The following LRFN1 variants were observed in gnomAD, a reference collection of about 807,000 sequenced individuals.
LRFN1 encodes leucine-rich repeat and fibronectin type III domain-containing protein 1.
LRFN1 carries 20 observed loss-of-function variants against 31.8 expected under a neutral mutation model. The ratio of observed to expected loss-of-function variants is 0.63; its 90% CI spans 0.44 to 0.91. The LOEUF is 0.91. Among genes scored for constraint, LRFN1 ranks in the 40% least tolerant of loss-of-function variants. LRFN1 has a pLI of 0.00. For missense variants in LRFN1, 912 were observed against 1,129.8 expected (o/e 0.81, Z 2.76); for synonymous variants, 514 against 541.3 (o/e 0.95, Z 0.70).
rs538502218 is a variant in LRFN1, at chr19:39,311,245, C to G, written c.1406+2686G>C. The stretch of plus-strand genomic sequence containing the variant: ...GACAGCGTGAGGAAGTTAACCCCTG[C>G]GGCACCATAGCATAGGAATCTGCAA... On this transcript the variant is annotated intron_variant, in intron 4 of 4. Transcript: ENST00000248668. 7.2e-5 allele frequency among the ~76,000 whole-genome samples: 11 copies of G among 152,326 alleles called. No homozygotes were observed. In the South Asian group the frequency reaches 2.1e-3, roughly 29 times the overall value.
Position 39,307,651 on chromosome 19 carries a change from C to A in LRFN1, c.2298G>T (p.Met766Ile). The A allele has an allele frequency of 6.8e-7, 1 of 1,471,976 alleles. No individual in the cohort carries two copies. Among genetic ancestry groups the A allele is most frequent in the Non-Finnish European group, 8.9e-7 (1 of 1,120,706 alleles). The allele number at this position is 1,471,976 out of a possible 1,614,324, so 91.2% of individuals were successfully genotyped here. A position where few individuals can be genotyped will look rare whatever the true frequency, so the allele number is the denominator to read the frequency against. The change falls in exon 5 of 5, where the codon ATG becomes ATT. Residue 766 changes from methionine (M) to isoleucine (I), a missense_variant. Physicochemically the swap from Met to Ile is conservative, Grantham distance 10. Coordinates refer to ENST00000248668, the MANE Select transcript of LRFN1 (RefSeq NM_020862.2). The surrounding 1 kb of genome is among the most constrained non-coding windows in gnomAD (Gnocchi z 6.7). ...CCGCCGCTCACACGGTACTCTCCAGCATCCACTCGGTGCTGGTGAAAGCCA... is the reference window on the plus strand; with the variant it reads ...CCGCCGCTCACACGGTACTCTCCAGAATCCACTCGGTGCTGGTGAAAGCCA... ...ACLAFTSTEW[M>I]LESTV
At chr19:39,309,976 G>C (rs1330774229) in intron 4 of LRFN1, among the ~76,000 whole-genome samples, 1 of 152,114 alleles carries the variant, frequency 6.6e-6, no homozygotes, top group Non-Finnish European at 1.5e-5. Context: ...TGTTTTGTTT[G>C]AGACAGACTC....
At chr19:39,316,573 G>A (rs30480) in intron 2 of LRFN1, among the ~76,000 whole-genome samples, 37,855 of 152,048 alleles carry the variant, frequency 0.25, 8,999 homozygotes, top group African/African-American at 0.63. Flanking sequence ...AGGGACTGAG[G>A]AAAACACATC....
rs769229309 is a variant in LRFN1 at position 39,315,306 on chromosome 19, G to A, written c.31C>T (p.Leu11Phe). 6.7e-7 allele frequency: 1 copy of A among 1,484,796 alleles called. No individual in the cohort carries two copies. 92.0% of individuals were successfully genotyped at this position (1,484,796 alleles called of 1,614,324 possible). MAPGPFSSAL[L>F]SPPPAALPFL... The stretch of plus-strand genomic sequence containing the variant: ...GGCAGGGCAGCGGGCGGCGGCGAGA[G>A]GAGGGCCGAGGAGAAGGGTCCTGGA... The change falls in exon 4 of 5, where the codon CTC becomes TTC. Residue 11 changes from leucine to phenylalanine, a missense_variant. Physicochemically the swap from Leu to Phe is conservative, Grantham distance 22 (BLOSUM62 0). Around this residue, in one of 2 missense-constraint regions of LRFN1, gnomAD observed 401 missense variants for 572.7 expected, o/e 0.70. Transcript: ENST00000248668. The surrounding 1 kb of genome is among the most constrained non-coding windows in gnomAD (Gnocchi z 4.7).
rs765281328 is a variant in LRFN1 at position 39,314,258 on chromosome 19, G to A, written c.1079C>T (p.Thr360Ile). 6.8e-6 allele frequency: 11 copies of A among 1,613,210 alleles called. No individual in the cohort carries two copies. The highest frequency in any genetic ancestry group is 8.5e-6 in the Non-Finnish European group (10 of 1,179,682). The change falls in exon 4 of 5, where the codon ACC (threonine) becomes ATC (isoleucine). Residue 360 changes from threonine (T) to isoleucine (I), a missense_variant. Around this residue, in one of 2 missense-constraint regions of LRFN1, gnomAD observed 401 missense variants for 572.7 expected, o/e 0.70. Coordinates refer to ENST00000248668, the MANE Select transcript of LRFN1 (RefSeq NM_020862.2). ...RGDGTLDVTI[T>I]TLRDSGTFTC... ...GAAGGTGCCACTGTCCCTCAAGGTGGTGATGGTCACATCCAGCGTCCCGTC... is the reference window on the plus strand; with the variant it reads ...GAAGGTGCCACTGTCCCTCAAGGTGATGATGGTCACATCCAGCGTCCCGTC...
chr19:39,309,506 A>C (rs1373591083), intron 4 of LRFN1, among the ~76,000 whole-genome samples: 2 of 148,580 alleles, frequency 1.3e-5, no homozygotes, highest in Non-Finnish European at 1.5e-5. Flanking sequence ...AAAAAAAAAA[A>C]ACCATCTAGC....
Position 39,308,044 on chromosome 19 carries a change from C to T in LRFN1, c.1905G>A (p.Pro635=). ...CCAGAGAACGTCCAAGGACCACCTC[C>T]GGCTCCGCGGATGCCGTCTCGGCCT... ...AMEAETASAE[P]EVVLGRSLGG... is the part of the protein sequence containing the mutation. Residue 635 remains proline (P), a synonymous_variant, in exon 5 of 5, where the codon CCG becomes CCA. Coordinates refer to ENST00000248668, the MANE Select transcript of LRFN1 (RefSeq NM_020862.2). The surrounding 1 kb of genome is among the most constrained non-coding windows in gnomAD (Gnocchi z 6.2). 2 of 1,528,994 alleles carry T rather than the reference C, an allele frequency of 1.3e-6. No individual in the cohort carries two copies. Among genetic ancestry groups the T allele is most frequent in the Middle Eastern group, 3.5e-4 (2 of 5,774 alleles). 94.7% of individuals were successfully genotyped at this position (1,528,994 alleles called of 1,614,324 possible).
Position 39,319,281 on chromosome 19 carries a change from C to A in LRFN1, c.-125-923G>T, listed in dbSNP as rs558649783. On this transcript the variant is annotated intron_variant, in intron 1 of 4. Coordinates refer to ENST00000248668, the MANE Select transcript of LRFN1 (RefSeq NM_020862.2). ...TTACAACAGATCTACCTTGCACACT[C>A]ACCAGCACACAGGGGCACACACATC... is the stretch of plus-strand genomic sequence containing the variant. Among the ~76,000 whole-genome samples the A allele has an allele frequency of 1.2e-4, 19 of 152,328 alleles. 1 individual carries two copies. The highest frequency in any genetic ancestry group is 3.4e-3 in the Middle Eastern group (1 of 294).
chr19:39,313,888 T>G (rs888926203), intron 4 of LRFN1, 43 bp downstream of exon 4: 1 of 1,537,152 alleles, frequency 6.5e-7, no homozygotes, highest in African/African-American at 1.4e-5. Context: ...AGGGTCCCCC[T>G]GGGCTTGGGA....
chr19:39,307,037 A>C lies in LRFN1; in HGVS notation c.*596T>G. 5.9e-6 allele frequency: 2 copies of C among 340,700 alleles called. No individual in the cohort carries two copies. Among genetic ancestry groups the C allele is most frequent in the Non-Finnish European group, 5.3e-6 (1 of 189,624 alleles). 21.1% of individuals were successfully genotyped at this position (340,700 alleles called of 1,614,324 possible). ...GCCGAGGGACAAGAGACGACAGGACAGAGAGAAAGGAGAGGCAAATAGGGA... is the reference window on the plus strand; with the variant it reads ...GCCGAGGGACAAGAGACGACAGGACCGAGAGAAAGGAGAGGCAAATAGGGA... On this transcript the variant is annotated 3_prime_UTR_variant, in exon 5 of 5. Coordinates refer to ENST00000248668, the MANE Select transcript of LRFN1 (RefSeq NM_020862.2). This position sits in a 1 kb window ranked among gnomAD's most constrained non-coding sequence, Gnocchi z 6.7.
Position 39,309,478 on chromosome 19 carries a change from C to CAAAAAAAAAAAA in LRFN1, c.1407-948_1407-937dup, listed in dbSNP as rs71169583. ...ACTCTGTCTCAAAAAACAAACAAAC[C>CAAAAAAAAAAAA]AAAAAAAAAAAAAAAAAAAAAAAAA... On this transcript the variant is annotated intron_variant, in intron 4 of 4. Transcript: ENST00000248668. 1.2e-3 allele frequency among the ~76,000 whole-genome samples: 37 copies of CAAAAAAAAAAAA among 32,000 alleles called. 6 individuals carry two copies. Among genetic ancestry groups the CAAAAAAAAAAAA allele is most frequent in the African/African-American group, 4.8e-3 (33 of 6,828 alleles). The allele number at this position is 32,000 out of a possible 152,430, so 21.0% of individuals were successfully genotyped here. A position where few individuals can be genotyped will look rare whatever the true frequency, so the allele number is the denominator to read the frequency against.
chr19:39,314,692 C>T lies in LRFN1; in HGVS notation c.645G>A (p.Leu215=). The change falls in exon 4 of 5, where the codon CTG becomes CTA. Residue 215 remains leucine, a synonymous_variant. Transcript: ENST00000248668. ...TATGCAGGCGGTTGGAGGTCATGTC[C>T]AGACGGACCAGCTTGTGAAGCTGCA... ...TFVQLHKLVR[L]DMTSNRLHKL... is the part of the protein sequence containing the mutation. 1 of 1,613,238 alleles carries T rather than the reference C, an allele frequency of 6.2e-7. No individual in the cohort carries two copies. Among genetic ancestry groups the T allele is most frequent in the South Asian group, 1.1e-5 (1 of 91,036 alleles).
chr19:39,308,384 G>A lies in LRFN1; in HGVS notation c.1565C>T (p.Ala522Val). Residue 522 changes from alanine to valine, a missense_variant, in exon 5 of 5, where the codon GCG becomes GTG. This residue lies in a region of LRFN1 where 511 missense variants were observed against 557.0 expected (regional missense o/e 0.92). Transcript: ENST00000248668. The surrounding 1 kb of genome is among the most constrained non-coding windows in gnomAD (Gnocchi z 6.2). ...CVQFTTAGDP[A>V]PCRPLRAHFL... ...ATGGGCCCTCAGCGGGCGGCAGGGC[G>A]CCGGATCCCCAGCGGTGGTGAACTG... 1.9e-6 allele frequency: 3 copies of A among 1,611,678 alleles called. No homozygotes were observed. The highest frequency in any genetic ancestry group is 1.1e-5 in the South Asian group (1 of 90,940).
At chr19:39,313,192 C>T (rs1254420456) in intron 4 of LRFN1, among the ~76,000 whole-genome samples, 3 of 151,958 alleles carry the variant, frequency 2.0e-5, no homozygotes, top group African/African-American at 4.8e-5. Context: ...TGTAATGTAC[C>T]CAATGTGTTG....
intron 4 of LRFN1, among the ~76,000 whole-genome samples, chr19:39,309,503 A>C (rs949564176): frequency 2.7e-5 from 4 of 150,316 alleles, no homozygotes; most frequent in African/African-American, 7.4e-5. Flanking sequence ...AAAAAAAAAA[A>C]AAAACCATCT....
intron 1 of LRFN1, among the ~76,000 whole-genome samples, chr19:39,319,701 C>T (rs1201861242): frequency 6.6e-6 from 1 of 152,010 alleles, no homozygotes; most frequent in African/African-American, 2.4e-5. Flanking sequence ...CCTGAGGCAC[C>T]CCCCCACCAC....
chr19:39,308,597 C>A lies in LRFN1; in HGVS notation c.1407-55G>T. 2 of 1,451,610 alleles carry A rather than the reference C, an allele frequency of 1.4e-6. No homozygotes were observed. Among genetic ancestry groups the A allele is most frequent in the Non-Finnish European group, 1.8e-6 (2 of 1,090,324 alleles). 89.9% of individuals were successfully genotyped at this position (1,451,610 alleles called of 1,614,324 possible). A position where few individuals can be genotyped will look rare whatever the true frequency, so the allele number is the denominator to read the frequency against. ...TTAGTCCCCCCGAACCACGCCCCTT[C>A]GCTTTATGCCCCGCCCATGGTGAAC... On this transcript the variant is annotated intron_variant, in intron 4 of 4. Coordinates refer to ENST00000248668, the MANE Select transcript of LRFN1 (RefSeq NM_020862.2). This position sits in a 1 kb window ranked among gnomAD's most constrained non-coding sequence, Gnocchi z 6.2.
rs2075139162 is a variant in LRFN1 at position 39,308,529 on chromosome 19, T to C, written c.1420A>G (p.Thr474Ala). The C allele has an allele frequency of 6.4e-7, 1 of 1,569,410 alleles. No homozygotes were observed. The highest frequency in any genetic ancestry group is 1.1e-5 in the South Asian group (1 of 89,362). ...TCATTCACCAGGAAGGTCTGACTGG[T>C]GGACGGGATCATCCTGTAGGAGGGG... ...DSLVYRMIPS[T>A]SQTFLVNDLA... Residue 474 changes from threonine (T) to alanine (A), a missense_variant, in exon 5 of 5, where the codon ACC becomes GCC. Thr to Ala is a moderately conservative substitution (Grantham distance 58, BLOSUM62 0). This residue lies in a region of LRFN1 where 511 missense variants were observed against 557.0 expected (regional missense o/e 0.92). Coordinates refer to ENST00000248668, the MANE Select transcript of LRFN1 (RefSeq NM_020862.2). This position sits in a 1 kb window ranked among gnomAD's most constrained non-coding sequence, Gnocchi z 6.2.
rs1186114871 is a variant in LRFN1 at position 39,320,142 on chromosome 19, T to A, written c.-126+651A>T. On this transcript the variant is annotated intron_variant, in intron 1 of 4. Transcript: ENST00000248668. ...CCGGGAAGGGGAAGACATGGCCGCT[T>A]CCCCCAGGACCGCTAAGGACCCCCC... 2.2e-5 allele frequency among the ~76,000 whole-genome samples: 3 copies of A among 139,134 alleles called. No homozygotes were observed. The East Asian group carries it at 6.7e-4, about 31-fold the overall frequency. The allele number at this position is 139,134 out of a possible 152,430, so 91.3% of individuals were successfully genotyped here. A position where few individuals can be genotyped will look rare whatever the true frequency, so the allele number is the denominator to read the frequency against.
Sources: gnomAD v4.1 joint callset for allele counts (sites outside exome capture counted in the v4.1 genomes callset) on GRCh38, gnomAD v4.1.1 for gene constraint, gnomAD v4.1.1 regional missense constraint, Gnocchi (gnomAD v3.1) non-coding constraint, MANE v1.5 for transcripts, NCBI Gene and HGNC (gene_info 2026-07-23, HGNC 2026-07-21) for gene names.